EVC2: variants seen among roughly 807,000 people sequenced by gnomAD.
EVC2 encodes limbin.
Under a neutral mutation model 149.3 loss-of-function variants are expected in EVC2, and 148 were observed. The observed-to-expected ratio is 0.99, with a 90% CI of 0.87 to 1.14. The LOEUF (loss-of-function observed/expected upper bound fraction) is 1.14, where lower values mean the gene tolerates loss of function less well. Ranked by LOEUF, EVC2 falls within the 50% of genes most tolerant of loss-of-function variation. The probability of loss-of-function intolerance (pLI) is 0.00; values close to 1 mark genes in which losing one functional copy is unlikely to be tolerated. For missense variants in EVC2, 1,854 were observed against 1,627.3 expected (o/e 1.14, Z -2.40); for synonymous variants, 776 against 649.9 (o/e 1.19, Z -2.95).
chr4:5,693,879 T>C (rs75800187), intron 3 of EVC2, among the ~76,000 whole-genome samples: 15,360 of 152,250 alleles, frequency 0.1, 1,865 homozygotes, highest in African/African-American at 0.29. Context: ...TAATCCTCAA[T>C]TTCCCGTCTG....
chr4:5,604,019 C>A (rs999298755), intron 16 of EVC2, among the ~76,000 whole-genome samples: 4 of 152,116 alleles, frequency 2.6e-5, no homozygotes, highest in African/African-American at 9.7e-5. Flanking sequence ...CTACCATGTA[C>A]CAGCTTTGTG....
chr4:5,584,694 G>A lies in EVC2; in HGVS notation c.2986C>T (p.Leu996=). Residue 996 remains leucine (L), a synonymous_variant, in exon 17 of 22, where the codon CTG becomes TTG. Coordinates refer to ENST00000344408, the MANE Select transcript of EVC2 (RefSeq NM_147127.5). ...TALLSIQDLL[L]EELSASEMLT... Reference sequence around the variant, plus strand: ...ATCTCAGATGCACTCAGCTCTTCCAGGAGCAAGTCCTGGATGCTGAGGAGG... The same window carrying A: ...ATCTCAGATGCACTCAGCTCTTCCAAGAGCAAGTCCTGGATGCTGAGGAGG... The A allele has an allele frequency of 6.2e-7, 1 of 1,614,126 alleles. No homozygotes were observed. Among genetic ancestry groups the A allele is most frequent in the South Asian group, 1.1e-5 (1 of 91,048 alleles).
At position 5,562,886 on chromosome 4, in the gene EVC2, T is replaced by C; in HGVS notation, c.3889A>G (p.Asn1297Asp). 11 of 1,614,208 alleles carry C rather than the reference T, an allele frequency of 6.8e-6. No individual in the cohort carries two copies. Among genetic ancestry groups the C allele is most frequent in the Non-Finnish European group, 9.3e-6 (11 of 1,180,036 alleles). ...VPPRKKKNFLNAKKAMRALGM... is the reference protein window; with the variant it reads ...VPPRKKKNFLDAKKAMRALGM... Reference sequence around the variant, plus strand: ...AAGGCCCTCATGGCCTTTTTGGCATTCAAAAAGTTCTTCTTTTTCCTGGGA... The same window carrying C: ...AAGGCCCTCATGGCCTTTTTGGCATCCAAAAAGTTCTTCTTTTTCCTGGGA... The change falls in exon 22 of 22, where the codon AAT (asparagine) becomes GAT (aspartate). Residue 1297 changes from asparagine (N) to aspartate (D), a missense_variant. Asn to Asp is a conservative substitution (Grantham distance 23). Coordinates refer to ENST00000344408, the MANE Select transcript of EVC2 (RefSeq NM_147127.5). This position sits in a 1 kb window ranked among gnomAD's most constrained non-coding sequence, Gnocchi z 4.3.
At chr4:5,693,212 C>A (rs1255420256) in intron 3 of EVC2, among the ~76,000 whole-genome samples, 1 of 152,166 alleles carries the variant, frequency 6.6e-6, no homozygotes, top group African/African-American at 2.4e-5. Flanking sequence ...CTGGAGAGGA[C>A]TGGAAAGAAC....
intron 17 of EVC2, among the ~76,000 whole-genome samples, chr4:5,582,545 T>C (rs1037820909): frequency 1.1e-4 from 17 of 152,250 alleles, no homozygotes; most frequent in African/African-American, 2.4e-5. Context: ...TTTTAATTTA[T>C]AGGCTCATAG....
chr4:5,585,230 G>A (rs755866754), intron 16 of EVC2, among the ~76,000 whole-genome samples: 3 of 152,106 alleles, frequency 2.0e-5, no homozygotes, highest in African/African-American at 4.8e-5. Flanking sequence ...GACAGGTCTG[G>A]TCTGTTCTTC....
rs114078274 is a variant in EVC2 at position 5,625,140 on chromosome 4, G to A, written c.2046+609C>T. 3.1e-3 allele frequency among the ~76,000 whole-genome samples: 465 copies of A among 152,022 alleles called. 1 individual carries two copies. Among genetic ancestry groups the A allele is most frequent in the African/African-American group, 0.011 (453 of 41,458 alleles). On this transcript the variant is annotated intron_variant, in intron 13 of 21. Transcript: ENST00000344408. This position sits in a 1 kb window ranked among gnomAD's most constrained non-coding sequence, Gnocchi z 4.0. The stretch of plus-strand genomic sequence containing the variant: ...CCTTCAACATTCCCCACTATCCTTG[G>A]ATGGAAGGTAACCCCTTAGCACGGC...
At chr4:5,695,766 G>C (rs7660489) in intron 2 of EVC2, among the ~76,000 whole-genome samples, 19,216 of 152,116 alleles carry the variant, frequency 0.13, 1,438 homozygotes, top group African/African-American at 0.21. Context: ...AAACTAATTT[G>C]ACTGAAAATA....
rs1201181768 is a variant in EVC2, at chr4:5,614,579, A to G, written c.2829+843T>C. Among the ~76,000 whole-genome samples, 4 of 152,182 alleles carry G rather than the reference A, an allele frequency of 2.6e-5. No individual in the cohort carries two copies. ...CCTCAGGACAGCAAGGACACAAGTT[A>G]TTTATCCAGGTAAATAGAGGTGGAA... is the stretch of plus-strand genomic sequence containing the variant. On this transcript the variant is annotated intron_variant, in intron 16 of 21. Transcript: ENST00000344408. The surrounding 1 kb of genome is among the most constrained non-coding windows in gnomAD (Gnocchi z 4.7).
At chr4:5,688,266 C>G (rs1387989873) in intron 5 of EVC2, among the ~76,000 whole-genome samples, 5 of 152,134 alleles carry the variant, frequency 3.3e-5, no homozygotes, top group Admixed American at 1.3e-4. Flanking sequence ...AACAGCATGA[C>G]TGATGAGCGA....
chr4:5,532,806 G>A, the EVC2 span, among the ~76,000 whole-genome samples: 64 of 152,020 alleles, frequency 4.2e-4, 3 homozygotes, highest in African/African-American at 1.5e-3. Context: ...TTCCTGGGCT[G>A]CTTGTCTTGG....
chr4:5,665,472 C>T (rs753015966), intron 8 of EVC2, 43 bp downstream of exon 8: 1 of 1,613,454 alleles, frequency 6.2e-7, no homozygotes, highest in Admixed American at 1.7e-5. Context: ...GAACTTCAAC[C>T]TCACATTCAC....
In EVC2 at chr4:5,613,903, G is replaced by A. The variant is rs767387079; in HGVS notation, c.2829+1519C>T. Among the ~76,000 whole-genome samples, 1 of 152,178 alleles carries A rather than the reference G, an allele frequency of 6.6e-6. No homozygotes were observed. Among genetic ancestry groups the A allele is most frequent in the Admixed American group, 6.5e-5 (1 of 15,268 alleles). On this transcript the variant is annotated intron_variant, in intron 16 of 21. Transcript: ENST00000344408. This position sits in a 1 kb window ranked among gnomAD's most constrained non-coding sequence, Gnocchi z 4.6. ...CCTGATGGGAGACACTGAGCCCAGA[G>A]CAGTTTCTATGGCTCTTGGCGAGAT... is the stretch of plus-strand genomic sequence containing the variant.
upstream of EVC2, chr4:5,709,110 G>GC (rs1722409308): frequency 6.6e-6 from 1 of 152,632 alleles, no homozygotes; most frequent in East Asian, 1.9e-4. Flanking sequence ...CGGCCCGGGT[G>GC]CCCCTCGCAT....
chr4:5,671,154 A>T (rs1403283894), intron 7 of EVC2, among the ~76,000 whole-genome samples: 1 of 150,028 alleles, frequency 6.7e-6, no homozygotes, highest in African/African-American at 2.5e-5. Context: ...TTTATAAATT[A>T]TAATGTCATT....
Position 5,651,433 on chromosome 4 carries a change from G to A in EVC2, c.1146-10595C>T, listed in dbSNP as rs114762207. Among the ~76,000 whole-genome samples, 409 of 152,094 alleles carry A rather than the reference G, an allele frequency of 2.7e-3. 1 individual carries two copies. The highest frequency in any genetic ancestry group is 9.1e-3 in the African/African-American group (376 of 41,480). On this transcript the variant is annotated intron_variant, in intron 9 of 21. Transcript: ENST00000344408. ...GATGAGTAAATGGATGATGGATGGC[G>A]GAATGAGTAGGTGTATGGGTGCATG... is the stretch of plus-strand genomic sequence containing the variant.
chr4:5,544,775 T>C (rs1468344663), intron 21 of EVC2, among the ~76,000 whole-genome samples: 2 of 152,174 alleles, frequency 1.3e-5, no homozygotes, highest in Non-Finnish European at 2.9e-5. Flanking sequence ...GTGACCACCG[T>C]TGGATGCTCA....
intron 16 of EVC2, among the ~76,000 whole-genome samples, chr4:5,612,890 C>G (rs58248388): frequency 0.13 from 17,669 of 139,248 alleles, 2,285 homozygotes; most frequent in African/African-American, 0.34. Context: ...CCACTGCACT[C>G]CAGCCTGGGT....
In EVC2 at chr4:5,567,554, T is replaced by A. The variant is rs927954674; in HGVS notation, c.3557+890A>T. Among the ~76,000 whole-genome samples, 2 of 152,036 alleles carry A rather than the reference T, an allele frequency of 1.3e-5. No individual in the cohort carries two copies. Among genetic ancestry groups the A allele is most frequent in the African/African-American group, 4.8e-5 (2 of 41,400 alleles). On this transcript the variant is annotated intron_variant, in intron 20 of 21. Transcript: ENST00000344408. The surrounding 1 kb of genome is among the most constrained non-coding windows in gnomAD (Gnocchi z 4.4). ...GGCCATGGCTTTCCTTGCAGCCTCA[T>A]TCCCCACCTACTCCATCCTCAAGGG...
Sources: gnomAD v4.1 joint callset for allele counts (sites outside exome capture counted in the v4.1 genomes callset) on GRCh38, gnomAD v4.1.1 for gene constraint, Gnocchi (gnomAD v3.1) non-coding constraint, MANE v1.5 for transcripts, NCBI Gene and HGNC (gene_info 2026-07-23, HGNC 2026-07-21) for gene names.